ATXN8OS: variants seen among roughly 807,000 people sequenced by gnomAD.
ATXN8OS encodes ATXN8 opposite strand lncRNA.
chr13:70,149,551 C>T (rs895436866), intron 4 of ATXN8OS, among the ~76,000 whole-genome samples: 8 of 152,086 alleles, frequency 5.3e-5, no homozygotes, highest in Middle Eastern at 3.4e-3. Flanking sequence ...ACACATAATA[C>T]GAAAATAGCT....
rs554194308 is a variant in ATXN8OS, at chr13:70,151,205, A to G, written n.573+3777A>G. The stretch of plus-strand genomic sequence containing the variant: ...ATTTTTCAGTGCACAATACAGTATT[A>G]TTAACTTACAGACACCATGTTGAAC... On this transcript the variant is annotated intron_variant and non_coding_transcript_variant, in intron 4 of 4. Transcript: ENST00000678624. Among the ~76,000 whole-genome samples the G allele has an allele frequency of 2.4e-4, 36 of 152,252 alleles. 1 individual carries two copies. The highest frequency in any genetic ancestry group is 8.7e-4 in the African/African-American group (36 of 41,584).
At chr13:70,121,691 C>A (rs1888361748) in intron 2 of ATXN8OS, among the ~76,000 whole-genome samples, 3 of 152,018 alleles carry the variant, frequency 2.0e-5, no homozygotes. Flanking sequence ...ATATGATTTA[C>A]AGCACAAGAA....
intron 1 of ATXN8OS, among the ~76,000 whole-genome samples, chr13:70,109,285 C>T (rs894330805): frequency 7.9e-5 from 12 of 152,136 alleles, no homozygotes; most frequent in African/African-American, 2.9e-4. Context: ...TTAACCTTTC[C>T]TTTAATGAGC....
At chr13:70,128,278 G>T (rs1179719166) in intron 2 of ATXN8OS, among the ~76,000 whole-genome samples, 1 of 152,074 alleles carries the variant, frequency 6.6e-6, no homozygotes, top group Non-Finnish European at 1.5e-5. Context: ...GAATAACACA[G>T]CTGGGGTCCA....
At chr13:70,120,986 G>A (rs1450325793) in intron 2 of ATXN8OS, among the ~76,000 whole-genome samples, 1 of 151,918 alleles carries the variant, frequency 6.6e-6, no homozygotes, top group African/African-American at 2.4e-5. Context: ...ACAAGTTTCT[G>A]GGTGCAGCAC....
At chr13:70,167,387 A>C (rs1294649968) in intron 4 of ATXN8OS, among the ~76,000 whole-genome samples, 1 of 152,062 alleles carries the variant, frequency 6.6e-6, no homozygotes, top group African/African-American at 2.4e-5. Context: ...GGAAACCATC[A>C]TTCTCAGCAA....
chr13:70,159,617 GT>G (rs1422245594), intron 4 of ATXN8OS, among the ~76,000 whole-genome samples: 2 of 151,924 alleles, frequency 1.3e-5, no homozygotes, highest in African/African-American at 4.8e-5. Flanking sequence ...GTATACATTT[GT>G]ATAACCACCA....
chr13:70,127,922 G>A (rs1264002257), intron 2 of ATXN8OS, among the ~76,000 whole-genome samples: 5 of 152,052 alleles, frequency 3.3e-5, no homozygotes, highest in African/African-American at 9.7e-5. Context: ...CGTGATAAAT[G>A]AGTGAGCGAG....
intron 3 of ATXN8OS, among the ~76,000 whole-genome samples, chr13:70,143,977 A>G (rs1888749179): frequency 6.6e-6 from 1 of 152,180 alleles, no homozygotes; most frequent in Admixed American, 6.6e-5. Flanking sequence ...GTAAATTAAA[A>G]GATTAGATCA....
chr13:70,112,028 T>A (rs1888204148), intron 1 of ATXN8OS, among the ~76,000 whole-genome samples: 1 of 152,168 alleles, frequency 6.6e-6, no homozygotes, highest in South Asian at 2.1e-4. Flanking sequence ...GTGTACAGCC[T>A]TCTGCTTCTG....
At chr13:70,149,518 G>C (rs1306357059) in intron 4 of ATXN8OS, among the ~76,000 whole-genome samples, 1 of 152,030 alleles carries the variant, frequency 6.6e-6, no homozygotes, top group Non-Finnish European at 1.5e-5. Context: ...CGAAGAAACT[G>C]TTTCCTGGAA....
At chr13:70,139,928 A>C (rs1888686301) in intron 3 of ATXN8OS, among the ~76,000 whole-genome samples, 1 of 152,154 alleles carries the variant, frequency 6.6e-6, no homozygotes, top group South Asian at 2.1e-4. Context: ...TGATGTTTTA[A>C]TGTAGACATA....
At chr13:70,126,710 T>C (rs941021344) in intron 2 of ATXN8OS, among the ~76,000 whole-genome samples, 7 of 151,798 alleles carry the variant, frequency 4.6e-5, no homozygotes, top group Non-Finnish European at 8.8e-5. Flanking sequence ...TAGATAGATA[T>C]GTACAGTTTA....
intron 4 of ATXN8OS, among the ~76,000 whole-genome samples, chr13:70,158,357 G>T (rs1888962973): frequency 6.6e-6 from 1 of 152,190 alleles, no homozygotes; most frequent in Non-Finnish European, 1.5e-5. Context: ...GGCGGAGCTT[G>T]CAATGAGCCA....
At chr13:70,140,922 A>G (rs1888705917) in intron 3 of ATXN8OS, among the ~76,000 whole-genome samples, 1 of 152,168 alleles carries the variant, frequency 6.6e-6, no homozygotes, top group African/African-American at 2.4e-5. Context: ...TCTACGATGG[A>G]CATAGTTGTA....
intron 3 of ATXN8OS, among the ~76,000 whole-genome samples, chr13:70,147,270 A>G (rs1210893711): frequency 1.3e-5 from 2 of 152,238 alleles, no homozygotes; most frequent in African/African-American, 2.4e-5. Context: ...CATGATGTGA[A>G]TTTATAAAAC....
chr13:70,139,197 T>C, intron 3 of ATXN8OS: 1 of 430,496 alleles, frequency 2.3e-6, no homozygotes, highest in Non-Finnish European at 4.1e-6. Context: ...CTATAGTCTG[T>C]GTCTGATATT....
intron 2 of ATXN8OS, among the ~76,000 whole-genome samples, chr13:70,116,090 C>G (rs548698430): frequency 4.9e-4 from 75 of 151,576 alleles, no homozygotes; most frequent in Non-Finnish European, 8.7e-4. Context: ...TTCATTTATT[C>G]AAACACATTT....
Position 70,160,789 on chromosome 13 carries a change from T to TTTATATATTTA in ATXN8OS, n.574-8959_574-8958insTATTTATTATA, listed in dbSNP as rs1555301933. On this transcript the variant is annotated intron_variant and non_coding_transcript_variant, in intron 4 of 4. Transcript: ENST00000678624. The stretch of plus-strand genomic sequence containing the variant: ...TAATATGTAAATATATAAATATTTA[T>TTTATATATTTA]TTATAAATATATTTATTATAAATAT... Among the ~76,000 whole-genome samples the TTTATATATTTA allele has an allele frequency of 1.4e-4, 3 of 21,006 alleles. 1 individual carries two copies. Among genetic ancestry groups the TTTATATATTTA allele is most frequent in the African/African-American group, 2.7e-4 (3 of 11,126 alleles). The allele number at this position is 21,006 out of a possible 152,430, so 13.8% of individuals were successfully genotyped here.
Sources: gnomAD v4.1 joint callset for allele counts (sites outside exome capture counted in the v4.1 genomes callset) on GRCh38, gnomAD v4.1.1 for gene constraint, MANE v1.5 for transcripts, NCBI Gene and HGNC (gene_info 2026-07-23, HGNC 2026-07-21) for gene names.